HHIPL1: variants seen among roughly 807,000 people sequenced by gnomAD.
HHIPL1 encodes the protein HHIP like 1, also known as HHIP-like protein 1.
Under a neutral mutation model 61.8 loss-of-function variants are expected in HHIPL1, and 43 were observed. The observed-to-expected ratio is 0.70, with a 90% CI of 0.55 to 0.90. HHIPL1 has a LOEUF of 0.90. HHIPL1 is among the 40% of genes least tolerant of loss of function. HHIPL1 has a pLI of 0.00. For synonymous variants in HHIPL1, 482 were observed against 515.8 expected, an observed-to-expected ratio of 0.93 and a Z score of 0.89; for missense variants, 1,056 against 1,157.7, an observed-to-expected ratio of 0.91 and a Z score of 1.28.
the HHIPL1 span, among the ~76,000 whole-genome samples, chr14:99,616,203 G>C: frequency 0.02 from 3,087 of 152,256 alleles, 94 homozygotes; most frequent in African/African-American, 0.071. Flanking sequence ...TTCAGTACAG[G>C]TACATGCTGT....
upstream of HHIPL1, among the ~76,000 whole-genome samples, chr14:99,643,185 G>A (rs1206386575): frequency 6.6e-6 from 1 of 152,076 alleles, no homozygotes; most frequent in Non-Finnish European, 1.5e-5. Flanking sequence ...GATTATAGGC[G>A]CGTGCCACCA....
At chr14:99,658,838 A>G (rs1345527344) in intron 3 of HHIPL1, among the ~76,000 whole-genome samples, 2 of 151,706 alleles carry the variant, frequency 1.3e-5, no homozygotes, top group Non-Finnish European at 2.9e-5. Context: ...CTTAATGGTC[A>G]CCTACTATGT....
the HHIPL1 span, among the ~76,000 whole-genome samples, chr14:99,623,423 C>CT: frequency 1.3e-5 from 2 of 151,836 alleles, no homozygotes; most frequent in African/African-American, 2.4e-5. Flanking sequence ...GACACTTTTT[C>CT]TTTTTTTTAA....
chr14:99,646,798 ATATGATATGATATGATATG>A (rs2055842669), intron 1 of HHIPL1, among the ~76,000 whole-genome samples: 15 of 91,102 alleles, frequency 1.6e-4, no homozygotes, highest in Admixed American at 2.9e-4. Context: ...ATATAATATG[ATATGATATGATATGATATG>A]ATATGATATG....
At chr14:99,645,611 G>A in intron 1 of HHIPL1, 149 bp downstream of exon 1, 1 of 865,786 alleles carries the variant, frequency 1.2e-6, no homozygotes, top group Non-Finnish European at 1.5e-6. Context: ...GCACGGGGCG[G>A]GGAGACCGCG....
At chr14:99,630,686 C>T in the HHIPL1 span, among the ~76,000 whole-genome samples, 3 of 152,092 alleles carry the variant, frequency 2.0e-5, no homozygotes, top group African/African-American at 7.3e-5. Flanking sequence ...GGACATGCGG[C>T]CTCCCGGTCA....
intron 1 of HHIPL1, among the ~76,000 whole-genome samples, chr14:99,648,323 G>A (rs1239937714): frequency 1.3e-5 from 2 of 152,194 alleles, no homozygotes; most frequent in Non-Finnish European, 2.9e-5. Flanking sequence ...TATGAGGTTG[G>A]AATTCCTTTC....
At chr14:99,670,846 T>G (rs2056319630) in intron 7 of HHIPL1, among the ~76,000 whole-genome samples, 1 of 152,212 alleles carries the variant, frequency 6.6e-6, no homozygotes. Context: ...TTCCTTGGAA[T>G]TTTAGGTTAT....
chr14:99,615,478 A>G, the HHIPL1 span, among the ~76,000 whole-genome samples: 1 of 152,144 alleles, frequency 6.6e-6, no homozygotes, highest in Non-Finnish European at 1.5e-5. Flanking sequence ...CGGGAGGTTG[A>G]AACTGCAATG....
At position 99,677,099 on chromosome 14, in the gene HHIPL1, G is replaced by GCCGCTAGTATAGGGTCTCCTAA; in HGVS notation, c.*1475_*1476insGCTAGTATAGGGTCTCCTAACC. 1 of 152,394 alleles carries GCCGCTAGTATAGGGTCTCCTAA rather than the reference G, an allele frequency of 6.6e-6. No homozygotes were observed. The highest frequency in any genetic ancestry group is 1.5e-5 in the Non-Finnish European group (1 of 68,220). 9.4% of individuals were successfully genotyped at this position (152,394 alleles called of 1,614,324 possible). A position where few individuals can be genotyped will look rare whatever the true frequency, so the allele number is the denominator to read the frequency against. ...CTAGCTGCTAGTATAGGGTCTCCTA[G>GCCGCTAGTATAGGGTCTCCTAA]CCACTAGTATAGGATCCTGGGCTGC... On this transcript the variant is annotated 3_prime_UTR_variant, in exon 9 of 9. Transcript: ENST00000330710. This position sits in a 1 kb window ranked among gnomAD's most constrained non-coding sequence, Gnocchi z 4.3.
chr14:99,663,097 C>G, intron 6 of HHIPL1, 76 bp downstream of exon 6: 1 of 1,404,350 alleles, frequency 7.1e-7, no homozygotes, highest in Non-Finnish European at 9.6e-7. Flanking sequence ...TCCTTCTGGT[C>G]TCTGATGTAG....
intron 1 of HHIPL1, among the ~76,000 whole-genome samples, chr14:99,650,806 C>CGGCCATGGCCATGATTTA (rs1566806766): frequency 6.6e-6 from 1 of 152,246 alleles, no homozygotes; most frequent in Non-Finnish European, 1.5e-5. Context: ...GCTTCCCCCA[C>CGGCCATGGCCATGATTTA]GGCCATGGCC....
intron 2 of HHIPL1, among the ~76,000 whole-genome samples, chr14:99,655,283 GT>G (rs1207491289): frequency 6.6e-6 from 1 of 152,222 alleles, no homozygotes; most frequent in Non-Finnish European, 1.5e-5. Context: ...CTGGGTTCAA[GT>G]CACTTGACCT....
Position 99,652,812 on chromosome 14 carries a change from A to G in HHIPL1, c.844A>G (p.Ile282Val). The stretch of plus-strand genomic sequence containing the variant: ...TATCCGCAGCAGTGAGTGGATCCGC[A>G]TCAGCGAGTTCAGAGTCTCCGAGGA... ...VGIRSSEWIRISEFRVSEDDE... is the reference protein window; with the variant it reads ...VGIRSSEWIRVSEFRVSEDDE... Residue 282 changes from isoleucine (I) to valine (V), a missense_variant, in exon 2 of 9, where the codon ATC becomes GTC. Physicochemically the swap from Ile to Val is conservative, Grantham distance 29. Transcript: ENST00000330710. The G allele has an allele frequency of 2.5e-6, 4 of 1,614,136 alleles. No individual in the cohort carries two copies. Among genetic ancestry groups the G allele is most frequent in the Middle Eastern group, 1.6e-4 (1 of 6,062 alleles).
At chr14:99,633,918 C>T in the HHIPL1 span, among the ~76,000 whole-genome samples, 1 of 152,206 alleles carries the variant, frequency 6.6e-6, no homozygotes, top group Admixed American at 6.5e-5. Context: ...TCAGAAGGCC[C>T]CTGGTGTGTG....
chr14:99,611,379 C>A, the HHIPL1 span, among the ~76,000 whole-genome samples: 2 of 151,832 alleles, frequency 1.3e-5, no homozygotes, highest in South Asian at 4.2e-4. Context: ...CTGCAACCTC[C>A]ACCTCCTGGG....
chr14:99,669,167 C>A, intron 7 of HHIPL1: 1 of 1,337,890 alleles, frequency 7.5e-7, no homozygotes, highest in Non-Finnish European at 9.6e-7. Flanking sequence ...CTGGGAGTCT[C>A]AGGGCCAAGC....
the HHIPL1 span, among the ~76,000 whole-genome samples, chr14:99,636,870 C>T: frequency 6.6e-6 from 1 of 150,558 alleles, no homozygotes; most frequent in African/African-American, 2.5e-5. Flanking sequence ...GCCTGTAGTC[C>T]CAGCTACTTG....
At chr14:99,621,163 A>G in the HHIPL1 span, among the ~76,000 whole-genome samples, 1 of 151,008 alleles carries the variant, frequency 6.6e-6, no homozygotes, top group African/African-American at 2.5e-5. Context: ...CAGTGGTGCA[A>G]TCTCAGCTCA....
Sources: allele counts gnomAD v4.1 joint callset (sites outside exome capture counted in the v4.1 genomes callset), GRCh38; gene constraint gnomAD v4.1.1; non-coding constraint Gnocchi (gnomAD v3.1); transcripts MANE v1.5; gene names NCBI Gene and HGNC (gene_info 2026-07-23, HGNC 2026-07-21).